Variants in NRG1 observed in about 807,000 individuals in gnomAD.
The protein encoded by NRG1 is neuregulin 1, also known as pro-neuregulin-1, membrane-bound isoform.
Under a neutral mutation model 63.8 loss-of-function variants are expected in NRG1, and 18 were observed. That is an observed-to-expected ratio of 0.28 (90% CI 0.19 to 0.42). NRG1 has a LOEUF of 0.42. Ranked by LOEUF, NRG1 falls within the 10% of genes least tolerant of loss-of-function variation. The pLI is 1.00. For synonymous variants in NRG1, 302 were observed against 301.3 expected, an observed-to-expected ratio of 1.00 and a Z score of -0.02; for missense variants, 762 against 814.7, an observed-to-expected ratio of 0.94 and a Z score of 0.79.
intron 1 of NRG1, among the ~76,000 whole-genome samples, chr8:31,981,609 G>A (rs555327488): frequency 6.6e-6 from 1 of 152,114 alleles, no homozygotes; most frequent in South Asian, 2.1e-4. Context: ...TGCTAATGGT[G>A]AAATCTCCTG....
intron 7 of NRG1, among the ~76,000 whole-genome samples, chr8:32,753,755 C>G (rs1829167400): frequency 6.6e-6 from 1 of 152,144 alleles, no homozygotes; most frequent in Non-Finnish European, 1.5e-5. Flanking sequence ...ACTCAATTTA[C>G]TAGTTAACTA....
intron 1 of NRG1, among the ~76,000 whole-genome samples, chr8:31,663,291 A>G (rs1298251421): frequency 6.6e-6 from 1 of 152,184 alleles, no homozygotes; most frequent in African/African-American, 2.4e-5. Flanking sequence ...GGAAGTAGTT[A>G]AGTATTCAAA....
At chr8:32,684,318 A>G (rs1589189354) in intron 5 of NRG1, among the ~76,000 whole-genome samples, 1 of 152,340 alleles carries the variant, frequency 6.6e-6, no homozygotes, top group East Asian at 1.9e-4. Context: ...TATGTAAGAG[A>G]TAAACACACA....
chr8:32,605,797 C>G, intron 3 of NRG1, 114 bp downstream of exon 3: 1 of 1,246,448 alleles, frequency 8.0e-7, no homozygotes, highest in Non-Finnish European at 1.1e-6. Context: ...AAATTAAAAA[C>G]AGAGAAAGAA....
chr8:32,773,411 A>C (rs911357781), intron 7 of NRG1, among the ~76,000 whole-genome samples: 6 of 152,138 alleles, frequency 3.9e-5, no homozygotes, highest in African/African-American at 1.2e-4. Context: ...GAAGGGTTCC[A>C]CTCGGGGTCA....
At chr8:32,120,203 T>C (rs994637978) in intron 1 of NRG1, among the ~76,000 whole-genome samples, 1 of 152,084 alleles carries the variant, frequency 6.6e-6, no homozygotes, top group Non-Finnish European at 1.5e-5. Flanking sequence ...TATGAAAACA[T>C]TTCAAAAGAA....
chr8:32,499,583 C>T (rs936470479), intron 1 of NRG1, among the ~76,000 whole-genome samples: 2 of 152,030 alleles, frequency 1.3e-5, no homozygotes, highest in African/African-American at 4.8e-5. Context: ...CTGAGGTGGA[C>T]GGATTGCTTG....
chr8:32,454,389 T>C (rs1274345424), intron 1 of NRG1, among the ~76,000 whole-genome samples: 1 of 152,176 alleles, frequency 6.6e-6, no homozygotes, highest in Non-Finnish European at 1.5e-5. Context: ...CTTTACTGTT[T>C]CGAGGTTTTT....
At chr8:31,949,654 T>C (rs1803160822) in intron 1 of NRG1, among the ~76,000 whole-genome samples, 1 of 152,216 alleles carries the variant, frequency 6.6e-6, no homozygotes, top group African/African-American at 2.4e-5. Flanking sequence ...TTCTCATTAC[T>C]GGAGCATTTT....
chr8:32,214,719 G>A (rs1845039335), intron 1 of NRG1, among the ~76,000 whole-genome samples: 1 of 152,172 alleles, frequency 6.6e-6, no homozygotes, highest in African/African-American at 2.4e-5. Context: ...ATCAGAAAAT[G>A]AGTGGTTGAT....
intron 1 of NRG1, among the ~76,000 whole-genome samples, chr8:31,867,031 G>T (rs1331788272): frequency 1.3e-5 from 2 of 152,118 alleles, no homozygotes; most frequent in African/African-American, 4.8e-5. Flanking sequence ...TAACTTGTTT[G>T]GTTGAGCTGA....
chr8:32,660,906 A>C (rs1258708788), intron 5 of NRG1, among the ~76,000 whole-genome samples: 1 of 152,230 alleles, frequency 6.6e-6, no homozygotes, highest in East Asian at 1.9e-4. Context: ...TTGTGATTAC[A>C]ATAACAGGCT....
chr8:31,916,914 G>C (rs1339170463), intron 1 of NRG1, among the ~76,000 whole-genome samples: 2 of 151,832 alleles, frequency 1.3e-5, no homozygotes, highest in Non-Finnish European at 2.9e-5. Context: ...GTGTGAGATG[G>C]TATCTCATTG....
At chr8:31,879,352 T>C (rs1830171508) in intron 1 of NRG1, among the ~76,000 whole-genome samples, 1 of 152,218 alleles carries the variant, frequency 6.6e-6, no homozygotes, top group Admixed American at 6.5e-5. Flanking sequence ...GTTTAAGTCT[T>C]GTAAGACTAC....
At chr8:32,023,062 G>A (rs1394145423) in intron 1 of NRG1, among the ~76,000 whole-genome samples, 1 of 152,200 alleles carries the variant, frequency 6.6e-6, no homozygotes, top group Non-Finnish European at 1.5e-5. Context: ...CATATATTCA[G>A]TGTTGGAAAT....
At chr8:32,384,731 G>A (rs1474553754) in intron 1 of NRG1, among the ~76,000 whole-genome samples, 1 of 152,120 alleles carries the variant, frequency 6.6e-6, no homozygotes, top group Non-Finnish European at 1.5e-5. Flanking sequence ...TTTCTAAGTC[G>A]TTTTTACATT....
intron 1 of NRG1, among the ~76,000 whole-genome samples, chr8:32,330,598 G>A (rs1387452210): frequency 1.3e-5 from 2 of 152,186 alleles, no homozygotes; most frequent in African/African-American, 2.4e-5. Flanking sequence ...CAGCCCCTAG[G>A]CATTCATAAG....
Position 32,235,990 on chromosome 8 carries a change from A to AAATT in NRG1, c.38-359836_38-359833dup, listed in dbSNP as rs1450443368. 8.5e-5 allele frequency among the ~76,000 whole-genome samples: 13 copies of AAATT among 152,318 alleles called. No homozygotes were observed. In the East Asian group the frequency reaches 2.5e-3, roughly 29 times the overall value. ...GAACTGTTCAACTTCCAAGCAAATG[A>AAATT]AATTACTAAACTCACTTCTCTGAGT... On this transcript the variant is annotated intron_variant, in intron 1 of 10. Transcript: ENST00000519301.
At chr8:32,085,252 G>T (rs778283762) in intron 1 of NRG1, among the ~76,000 whole-genome samples, 2 of 152,196 alleles carry the variant, frequency 1.3e-5, no homozygotes, top group Non-Finnish European at 2.9e-5. Flanking sequence ...TAGTCAGAGA[G>T]AATGTTGAGT....
Sources: allele counts gnomAD v4.1 joint callset (sites outside exome capture counted in the v4.1 genomes callset), GRCh38; gene constraint gnomAD v4.1.1; transcripts MANE v1.5; gene names NCBI Gene and HGNC (gene_info 2026-07-23, HGNC 2026-07-21).